ANKRD24: variants seen among roughly 807,000 people sequenced by gnomAD.
ANKRD24 encodes the protein ankyrin repeat domain 24.
Under a neutral mutation model 127.8 loss-of-function variants are expected in ANKRD24, and 109 were observed. That is an observed-to-expected ratio of 0.85 (90% CI 0.73 to 1.00). ANKRD24 has a LOEUF of 1.00. Ranked by LOEUF, ANKRD24 falls within the 50% of genes least tolerant of loss-of-function variation. ANKRD24 has a pLI of 0.00. For missense variants in ANKRD24, 1,648 were observed against 1,570.2 expected (o/e 1.05, Z -0.84); for synonymous variants, 743 against 671.1 (o/e 1.11, Z -1.66).
Position 4,207,507 on chromosome 19 carries a change from G to T in ANKRD24, c.544G>T (p.Ala182Ser), listed in dbSNP as rs372390380. Reference sequence around the variant, plus strand: ...CCCTCCTCCTCCCTACCAGTCAGGCGCAACACCCCTCATTATAGCAGCTCA... The same window carrying T: ...CCCTCCTCCTCCCTACCAGTCAGGCTCAACACCCCTCATTATAGCAGCTCA... ...AHLNPQDRSG[A>S]TPLIIAAQMC... The change falls in exon 9 of 22, where the codon GCA (alanine) becomes TCA (serine). Residue 182 changes from alanine to serine, a missense_variant. Transcript: ENST00000318934. 1 of 1,613,756 alleles carries T rather than the reference G, an allele frequency of 6.2e-7. No individual in the cohort carries two copies. Among genetic ancestry groups the T allele is most frequent in the East Asian group, 2.2e-5 (1 of 44,876 alleles).
intron 18 of ANKRD24, 21 bp downstream of exon 18, chr19:4,218,184 C>G (rs1388877001): frequency 7.0e-7 from 1 of 1,431,084 alleles, no homozygotes; most frequent in Non-Finnish European, 9.2e-7. Flanking sequence ...CTGGTCACCA[C>G]CCGGGCCCCA....
chr19:4,224,081 G>C, intron 20 of ANKRD24, 46 bp from the exon 21 acceptor site: 1 of 1,560,408 alleles, frequency 6.4e-7, no homozygotes, highest in Non-Finnish European at 8.8e-7. Flanking sequence ...TTGCTCAGTG[G>C]GGAGGTGCTC....
intron 18 of ANKRD24, among the ~76,000 whole-genome samples, chr19:4,218,660 C>T (rs567476471): frequency 3.7e-4 from 55 of 150,112 alleles, no homozygotes; most frequent in Admixed American, 2.1e-3. Flanking sequence ...CTTGTGTTTT[C>T]TCTCTTTCTT....
intron 7 of ANKRD24, among the ~76,000 whole-genome samples, chr19:4,205,840 C>A (rs1026566762): frequency 6.6e-6 from 1 of 151,576 alleles, no homozygotes; most frequent in East Asian, 1.9e-4. Context: ...GAGGGAGACT[C>A]CATCTCAAAA....
chr19:4,192,609 T>C (rs1382094807), intron 2 of ANKRD24, among the ~76,000 whole-genome samples: 3 of 151,782 alleles, frequency 2.0e-5, no homozygotes, highest in African/African-American at 7.3e-5. Context: ...TCACTGCCCC[T>C]GAGGAGGTGA....
At chr19:4,224,399 AG>A in intron 21 of ANKRD24, 28 bp from the exon 22 acceptor site, 1 of 1,608,236 alleles carries the variant, frequency 6.2e-7, no homozygotes. Flanking sequence ...GGGTATACTC[AG>A]GGTCTTCCTC....
intron 1 of ANKRD24, among the ~76,000 whole-genome samples, chr19:4,185,359 C>A (rs1451304042): frequency 1.3e-5 from 2 of 151,950 alleles, no homozygotes; most frequent in East Asian, 3.8e-4. Flanking sequence ...GATGGATGTC[C>A]AGGTGAGTGC....
intron 13 of ANKRD24, among the ~76,000 whole-genome samples, chr19:4,211,215 G>A (rs115107926): frequency 6.6e-6 from 1 of 152,334 alleles, no homozygotes; most frequent in South Asian, 2.1e-4. Flanking sequence ...GTGAGCCTGC[G>A]AGGGCAGGCA....
chr19:4,199,527 T>C lies in ANKRD24; in HGVS notation c.37-156T>C, dbSNP rs1177232989. The C allele has an allele frequency of 1.0e-6, 1 of 985,278 alleles. No individual in the cohort carries two copies. The highest frequency in any genetic ancestry group is 1.1e-4 in the East Asian group (1 of 8,810). The allele number at this position is 985,278 out of a possible 1,614,324, so 61.0% of individuals were successfully genotyped here. ...ATGCTCAGCCCAGGGGACAACGTTT[T>C]GGAAATAGATGCCAGGGGGCTGCTC... is the stretch of plus-strand genomic sequence containing the variant. On this transcript the variant is annotated intron_variant, in intron 2 of 21. Coordinates refer to ENST00000318934, the MANE Select transcript of ANKRD24 (RefSeq NM_001393985.1). This position sits in a 1 kb window ranked among gnomAD's most constrained non-coding sequence, Gnocchi z 5.2.
At chr19:4,220,597 C>A (rs1394012608) in intron 19 of ANKRD24, among the ~76,000 whole-genome samples, 1 of 152,156 alleles carries the variant, frequency 6.6e-6, no homozygotes, top group African/African-American at 2.4e-5. Flanking sequence ...CTCTGTCACC[C>A]AGACTGGAGT....
At position 4,224,426 on chromosome 19, in the gene ANKRD24, A is replaced by C. The variant is rs1179802560; in HGVS notation, c.3364-2A>C. On this transcript the variant is annotated splice_acceptor_variant, in intron 21 of 21. Transcript: ENST00000318934. LOFTEE classifies it high-confidence loss of function. ...GGTCTTCCTCTACTCCCCCAACCCTAGGGCCAGATGGATGAAGATGTGCAG... is the reference window on the plus strand; with the variant it reads ...GGTCTTCCTCTACTCCCCCAACCCTCGGGCCAGATGGATGAAGATGTGCAG... The C allele has an allele frequency of 6.2e-7, 1 of 1,613,112 alleles. No individual in the cohort carries two copies. Among genetic ancestry groups the C allele is most frequent in the Non-Finnish European group, 8.5e-7 (1 of 1,179,674 alleles).
intron 2 of ANKRD24, among the ~76,000 whole-genome samples, chr19:4,191,193 C>T (rs766192123): frequency 1.3e-5 from 2 of 152,192 alleles, no homozygotes; most frequent in South Asian, 4.1e-4. Flanking sequence ...CCTCCCAGAG[C>T]ACCTTGCCAT....
Position 4,212,471 on chromosome 19 carries a change from T to C in ANKRD24, c.1060-4T>C. The C allele has an allele frequency of 6.3e-7, 1 of 1,575,690 alleles. No homozygotes were observed. Among genetic ancestry groups the C allele is most frequent in the Non-Finnish European group, 8.6e-7 (1 of 1,162,798 alleles). On this transcript the variant is annotated splice_region_variant and splice_polypyrimidine_tract_variant and intron_variant, in intron 13 of 21. Transcript: ENST00000318934. Reference sequence around the variant, plus strand: ...CAAACCCCTGTCCCTGTTTCTCCCGTCAGTCCCCGGAGGCCAGCTCCCTGC... The same window carrying C: ...CAAACCCCTGTCCCTGTTTCTCCCGCCAGTCCCCGGAGGCCAGCTCCCTGC...
At position 4,207,809 on chromosome 19, in the gene ANKRD24, G is replaced by A. The variant is rs757058728; in HGVS notation, c.673G>A (p.Ala225Thr). The change falls in exon 10 of 22, where the codon GCC (alanine) becomes ACC (threonine). Residue 225 changes from alanine to threonine, a missense_variant. Ala to Thr is a moderately conservative substitution (Grantham distance 58). Coordinates refer to ENST00000318934, the MANE Select transcript of ANKRD24 (RefSeq NM_001393985.1). ...RTALMLACEGASPETVEVLLQ... is the reference protein window; with the variant it reads ...RTALMLACEGTSPETVEVLLQ... ...GGCCCTGATGCTGGCCTGTGAGGGG[G>A]CCAGCCCCGAAACAGTGGAGGTCCT... The A allele has an allele frequency of 7.0e-6, 11 of 1,572,168 alleles. No individual in the cohort carries two copies. The Admixed American group carries it at 2.0e-4, about 28-fold the overall frequency.
chr19:4,184,998 T>G (rs1298250366), intron 1 of ANKRD24, among the ~76,000 whole-genome samples: 68 of 44,632 alleles, frequency 1.5e-3, no homozygotes, highest in East Asian at 2.3e-3. Flanking sequence ...ATGGATGGAT[T>G]GGTGGTTGGG....
Position 4,202,857 on chromosome 19 carries a change from C to A in ANKRD24, c.409-12C>A. On this transcript the variant is annotated splice_polypyrimidine_tract_variant and intron_variant, in intron 6 of 21. Transcript: ENST00000318934. ...GGATGGCTCCGCCTCAAAGGACTCG[C>A]CCCATCCCCAGGCTTCCTGCGTGGT... 2 of 1,583,476 alleles carry A rather than the reference C, an allele frequency of 1.3e-6. No individual in the cohort carries two copies. Among genetic ancestry groups the A allele is most frequent in the Non-Finnish European group, 8.6e-7 (1 of 1,164,966 alleles).
chr19:4,216,675 G>C lies in ANKRD24; in HGVS notation c.1515G>C (p.Glu505Asp). The C allele has an allele frequency of 6.3e-7, 1 of 1,590,568 alleles. No homozygotes were observed. Among genetic ancestry groups the C allele is most frequent in the Non-Finnish European group, 8.6e-7 (1 of 1,168,820 alleles). ...ACCAGCTACGCAGGCAGCACGCTGAGGCCCTGCAGGCCCTGAGGCAGCAGG... is the reference window on the plus strand; with the variant it reads ...ACCAGCTACGCAGGCAGCACGCTGACGCCCTGCAGGCCCTGAGGCAGCAGG... ...EFDQLRRQHA[E>D]ALQALRQQET... is the part of the protein sequence containing the mutation. Residue 505 changes from glutamate (E) to aspartate (D), a missense_variant, in exon 18 of 22, where the codon GAG (glutamate) becomes GAC (aspartate). Transcript: ENST00000318934.
chr19:4,198,090 C>T lies in ANKRD24; in HGVS notation c.37-1593C>T. ...GCGGGCCCGGAGGCACCTGCGCGCC[C>T]TTGGCCGACTCGGAGGAGGTGGAGA... On this transcript the variant is annotated intron_variant, in intron 2 of 21. Transcript: ENST00000318934. The surrounding 1 kb of genome is among the most constrained non-coding windows in gnomAD (Gnocchi z 6.1). 1 of 459,200 alleles carries T rather than the reference C, an allele frequency of 2.2e-6. No homozygotes were observed. The highest frequency in any genetic ancestry group is 3.9e-6 in the Non-Finnish European group (1 of 257,458). 28.4% of individuals were successfully genotyped at this position (459,200 alleles called of 1,614,324 possible). A position where few individuals can be genotyped will look rare whatever the true frequency, so the allele number is the denominator to read the frequency against.
rs1418721401 is a variant in ANKRD24, at chr19:4,212,459, C to G, written c.1060-16C>G. 2.5e-6 allele frequency: 4 copies of G among 1,575,204 alleles called. No homozygotes were observed. The highest frequency in any genetic ancestry group is 3.4e-6 in the Non-Finnish European group (4 of 1,162,394). The stretch of plus-strand genomic sequence containing the variant: ...CTTGCCCAGATCCAAACCCCTGTCC[C>G]TGTTTCTCCCGTCAGTCCCCGGAGG... On this transcript the variant is annotated splice_polypyrimidine_tract_variant and intron_variant, in intron 13 of 21. Coordinates refer to ENST00000318934, the MANE Select transcript of ANKRD24 (RefSeq NM_001393985.1).
Sources: gnomAD v4.1 joint callset for allele counts (sites outside exome capture counted in the v4.1 genomes callset) on GRCh38, gnomAD v4.1.1 for gene constraint, Gnocchi (gnomAD v3.1) non-coding constraint, MANE v1.5 for transcripts, NCBI Gene and HGNC (gene_info 2026-07-23, HGNC 2026-07-21) for gene names.